The following SUMF1 variants were observed in gnomAD, a reference collection of about 807,000 sequenced individuals.
SUMF1 encodes formylglycine-generating enzyme.
SUMF1 carries 48 observed loss-of-function variants against 47.6 expected under a neutral mutation model. The ratio of observed to expected loss-of-function variants is 1.01; its 90% CI spans 0.80 to 1.28. The LOEUF is 1.28. Ranked by LOEUF, SUMF1 falls within the 50% of genes most tolerant of loss-of-function variation. SUMF1 has a pLI of 0.00. For missense variants in SUMF1, 571 were observed against 485.4 expected, an observed-to-expected ratio of 1.18 and a Z score of -1.66; for synonymous variants, 230 against 192.1, an observed-to-expected ratio of 1.20 and a Z score of -1.63.
At chr3:4,449,383 T>G in intron 2 of SUMF1, 43 bp from the exon 3 acceptor site, 1 of 1,590,400 alleles carries the variant, frequency 6.3e-7, no homozygotes, top group Non-Finnish European at 8.6e-7. Flanking sequence ...AAGGTTGTAG[T>G]AATGTGTTGC....
chr3:4,317,215 G>A, intron 8 of SUMF1: 3 of 1,546,426 alleles, frequency 1.9e-6, no homozygotes, highest in Non-Finnish European at 2.6e-6. Context: ...TGGCAAAAAT[G>A]TGTTGATTGT....
chr3:4,100,683 A>C (rs1693012159), intron 8 of SUMF1, among the ~76,000 whole-genome samples: 1 of 151,722 alleles, frequency 6.6e-6, no homozygotes, highest in Non-Finnish European at 1.5e-5. Flanking sequence ...ATTACATCAA[A>C]CTAAAAAAAA....
intron 8 of SUMF1, among the ~76,000 whole-genome samples, chr3:4,190,829 T>C (rs1259899630): frequency 6.6e-6 from 1 of 152,100 alleles, no homozygotes; most frequent in East Asian, 1.9e-4. Flanking sequence ...AGACCACAGA[T>C]GGGTATTCAT....
Position 4,395,360 on chromosome 3 carries a change from T to C in SUMF1, c.954+15505A>G, listed in dbSNP as rs973098474. Among the ~76,000 whole-genome samples, 3 of 152,000 alleles carry C rather than the reference T, an allele frequency of 2.0e-5. 1 individual carries two copies. The highest frequency in any genetic ancestry group is 7.3e-5 in the African/African-American group (3 of 41,364). ...TTACCTAATGTCCAACGTGAAAAAA[T>C]ATTTTAAGAGTGAGCAGATGAAACC... On this transcript the variant is annotated intron_variant, in intron 7 of 8. Coordinates refer to ENST00000272902, the MANE Select transcript of SUMF1 (RefSeq NM_182760.4).
intron 8 of SUMF1, among the ~76,000 whole-genome samples, chr3:4,092,966 A>T (rs981943679): frequency 6.6e-6 from 1 of 152,132 alleles, no homozygotes; most frequent in Admixed American, 6.6e-5. Context: ...GGAGGAAGTT[A>T]TTCCATGAAT....
At chr3:4,255,287 A>C in intron 8 of SUMF1, among the ~76,000 whole-genome samples, 1 of 96,706 alleles carries the variant, frequency 1.0e-5, no homozygotes, top group East Asian at 2.3e-4. Context: ...ATGTAAATGG[A>C]CTAAATGCTC....
chr3:4,087,025 A>G (rs191774314), intron 8 of SUMF1, among the ~76,000 whole-genome samples: 2 of 152,290 alleles, frequency 1.3e-5, no homozygotes, highest in East Asian at 3.9e-4. Flanking sequence ...ACAAAGTACT[A>G]TCATCATTTT....
At chr3:4,091,613 A>G (rs1218073295) in intron 8 of SUMF1, among the ~76,000 whole-genome samples, 5 of 152,154 alleles carry the variant, frequency 3.3e-5, no homozygotes, top group African/African-American at 1.2e-4. Context: ...GAATAGGATA[A>G]CAGCCCTTTA....
At chr3:4,210,181 C>T (rs1002739417) in intron 8 of SUMF1, among the ~76,000 whole-genome samples, 1 of 152,152 alleles carries the variant, frequency 6.6e-6, no homozygotes. Flanking sequence ...AGGTGTGAGC[C>T]ACTGTGCCCG....
At chr3:4,298,073 T>C (rs1033612710) in intron 8 of SUMF1, among the ~76,000 whole-genome samples, 6 of 152,212 alleles carry the variant, frequency 3.9e-5, no homozygotes, top group African/African-American at 1.4e-4. Flanking sequence ...CAGATTAGTT[T>C]CTCTTCTGCC....
chr3:4,104,978 G>A (rs370309230), intron 8 of SUMF1, among the ~76,000 whole-genome samples: 57 of 152,124 alleles, frequency 3.7e-4, no homozygotes, highest in African/African-American at 1.3e-3. Context: ...ATAAACCTAC[G>A]TGTCTATCAA....
Position 4,335,122 on chromosome 3 carries a change from C to A in SUMF1, c.1014+41208G>T, listed in dbSNP as rs139186099. Among the ~76,000 whole-genome samples, 666 of 152,224 alleles carry A rather than the reference C, an allele frequency of 4.4e-3. 4 individuals carry two copies. The highest frequency in any genetic ancestry group is 0.015 in the African/African-American group (641 of 41,540). On this transcript the variant is annotated intron_variant and NMD_transcript_variant, in intron 8 of 12. Coordinates refer to the SUMF1 transcript ENST00000448413. ...AGAGGGGACCAGAAGTTGGTCAAAT[C>A]TAACAAAAGATGGACTGAAACAAAC...
chr3:4,385,869 A>G lies in SUMF1; in HGVS notation c.955-9480T>C, dbSNP rs528685336. ...ACGGATGTCCAATTGTTCCAGCACC[A>G]TATGTTGAAAAGCCTTTCTTTCCTT... On this transcript the variant is annotated intron_variant, in intron 7 of 8. Transcript: ENST00000272902. 9.8e-5 allele frequency among the ~76,000 whole-genome samples: 15 copies of G among 152,342 alleles called. 1 individual carries two copies. In the South Asian group the frequency reaches 3.1e-3, roughly 32 times the overall value.
intron 8 of SUMF1, among the ~76,000 whole-genome samples, chr3:4,338,635 T>C (rs1157053986): frequency 6.6e-6 from 1 of 152,168 alleles, no homozygotes; most frequent in African/African-American, 2.4e-5. Flanking sequence ...ATTTTCATTC[T>C]CAAAGAATTC....
chr3:4,230,740 G>A (rs746942453), intron 8 of SUMF1, among the ~76,000 whole-genome samples: 10 of 151,982 alleles, frequency 6.6e-5, no homozygotes, highest in Admixed American at 2.0e-4. Flanking sequence ...TCGTGCCTTC[G>A]TCTTTCTGGT....
chr3:4,360,652 G>C (rs908148534), downstream of SUMF1, among the ~76,000 whole-genome samples: 3 of 152,022 alleles, frequency 2.0e-5, no homozygotes, highest in African/African-American at 7.2e-5. Flanking sequence ...GCTTTTCAAG[G>C]GAATTGTTTT....
At chr3:4,136,839 G>C (rs1693945103) in intron 8 of SUMF1, among the ~76,000 whole-genome samples, 1 of 151,996 alleles carries the variant, frequency 6.6e-6, no homozygotes, top group African/African-American at 2.4e-5. Flanking sequence ...CTCCAAAGAA[G>C]ACATTTATGC....
rs140526353 is a variant in SUMF1 at position 4,225,899 on chromosome 3, A to G, written c.1014+150431T>C. ...CTTACAAGTACTTATGGCTTACTAT[A>G]AGGCTATGCATCAAGTGATGCCAAT... On this transcript the variant is annotated intron_variant and NMD_transcript_variant, in intron 8 of 12. Coordinates refer to the SUMF1 transcript ENST00000448413. 1.3e-5 allele frequency among the ~76,000 whole-genome samples: 2 copies of G among 152,264 alleles called. 1 individual carries two copies. The highest frequency in any genetic ancestry group is 3.9e-4 in the East Asian group (2 of 5,176).
rs17040556 is a variant in SUMF1 at position 4,371,662 on chromosome 3, C to T, written c.1014+4668G>A. ...GAGCTAAAGACCCAGAGGGATTAAT[C>T]TAACAACATCAACAACAATGAGTAT... On this transcript the variant is annotated intron_variant, in intron 8 of 8. Coordinates refer to ENST00000272902, the MANE Select transcript of SUMF1 (RefSeq NM_182760.4). 5.8e-3 allele frequency among the ~76,000 whole-genome samples: 879 copies of T among 152,286 alleles called. 26 individuals are homozygous for T. Among genetic ancestry groups the T allele is most frequent in the Admixed American group, 0.042 (636 of 15,300 alleles).
Sources: gnomAD v4.1 joint callset for allele counts (sites outside exome capture counted in the v4.1 genomes callset) on GRCh38, gnomAD v4.1.1 for gene constraint, MANE v1.5 for transcripts, NCBI Gene and HGNC (gene_info 2026-07-23, HGNC 2026-07-21) for gene names.